The following WDR87 variants were observed in gnomAD, a reference collection of about 807,000 sequenced individuals.
WDR87 encodes the protein WD repeat domain 87, also known as WD repeat-containing protein 87.
WDR87 carries 56 observed loss-of-function variants against 83.3 expected under a neutral mutation model. The ratio of observed to expected loss-of-function variants is 0.67; its 90% CI spans 0.54 to 0.84. The LOEUF is 0.84. WDR87 is among the 40% of genes least tolerant of loss of function. WDR87 has a pLI of 0.00. For synonymous variants in WDR87, 1,173 were observed against 1,250.6 expected (o/e 0.94, Z 1.31); for missense variants, 2,939 against 3,431.9 (o/e 0.86, Z 3.59).
At position 37,892,585 on chromosome 19, in the gene WDR87, C is replaced by A. The variant is rs1346040357; in HGVS notation, c.3118G>T (p.Glu1040Ter). Residue 1040 changes from glutamate to a stop codon, truncating the protein, a stop_gained, in exon 4 of 6, where the codon GAG becomes TAG. Coordinates refer to ENST00000447313, the MANE Select transcript of WDR87 (RefSeq NM_001291088.2). LOFTEE classifies it high-confidence loss of function. The part of the protein sequence containing the change: ...QLTQKQETFR[E>*]MQQQMIGEEP... ...AAGGAAGCACAAACTTACTGCATCT[C>A]CCGAAAAGTCTCTTGTTTTTGGGTC... 6.7e-7 allele frequency: 1 copy of A among 1,489,006 alleles called. No homozygotes were observed. The highest frequency in any genetic ancestry group is 2.4e-5 in the Admixed American group (1 of 42,336). 92.2% of individuals were successfully genotyped at this position (1,489,006 alleles called of 1,614,324 possible). A position where few individuals can be genotyped will look rare whatever the true frequency, so the allele number is the denominator to read the frequency against.
Position 37,894,526 on chromosome 19 carries a change from A to T in WDR87, c.1177T>A (p.Ser393Thr), listed in dbSNP as rs1273260509. 3.9e-6 allele frequency: 6 copies of T among 1,551,670 alleles called. 1 individual carries two copies. The highest frequency in any genetic ancestry group is 2.4e-5 in the South Asian group (2 of 84,052). ...TTEDGLLRFV[S>T]PVTGDLLVIT... ...ACCAGAAGGTCCCCTGTTACTGGGG[A>T]CACAAAGCGCAACAAGCCATCCTCA... The change falls in exon 4 of 6, where the codon TCC becomes ACC. Residue 393 changes from serine (S) to threonine (T), a missense_variant. Ser to Thr is a moderately conservative substitution (Grantham distance 58). This residue lies in a region of WDR87 where 553 missense variants were observed against 577.9 expected (regional missense o/e 0.96). Coordinates refer to ENST00000447313, the MANE Select transcript of WDR87 (RefSeq NM_001291088.2).
Position 37,887,551 on chromosome 19 carries a change from A to C in WDR87, c.6120T>G (p.Val2040=), listed in dbSNP as rs1474272069. The part of the protein sequence containing the change: ...ETSRQRKMTQ[V]EQELFERKLS... ...ATTTTCTCTCAAATAGTTCTTGTTC[A>C]ACTTGAGTCATTTTCCTTTGTCTAG... Residue 2040 remains valine (V), a synonymous_variant, in exon 6 of 6, where the codon GTT becomes GTG. Transcript: ENST00000447313. 1.3e-6 allele frequency: 2 copies of C among 1,551,786 alleles called. No individual in the cohort carries two copies. The highest frequency in any genetic ancestry group is 1.7e-6 in the Non-Finnish European group (2 of 1,147,018).
At chr19:37,895,766 C>CA (rs36107860) in intron 3 of WDR87, among the ~76,000 whole-genome samples, 1,064 of 84,190 alleles carry the variant, frequency 0.013, 12 homozygotes, top group Non-Finnish European at 0.019. Flanking sequence ...GACTCTGTCT[C>CA]AAAAAAAAAA....
Position 37,894,178 on chromosome 19 carries a change from G to C in WDR87, c.1525C>G (p.Leu509Val), listed in dbSNP as rs568205239. ...KFMHFGAVLALSTLSGGIFGG... is the reference protein window; with the variant it reads ...KFMHFGAVLAVSTLSGGIFGG... The stretch of plus-strand genomic sequence containing the variant: ...AAAATCCCTCCAGACAGCGTGGAGA[G>C]TGCCAGTACAGCGCCAAAGTGCATG... The change falls in exon 4 of 6, where the codon CTC (leucine) becomes GTC (valine). Residue 509 changes from leucine (L) to valine (V), a missense_variant. Physicochemically the swap from Leu to Val is conservative, Grantham distance 32. Transcript: ENST00000447313. 6.4e-7 allele frequency: 1 copy of C among 1,552,348 alleles called. No individual in the cohort carries two copies. Among genetic ancestry groups the C allele is most frequent in the Admixed American group, 2.0e-5 (1 of 51,006 alleles).
intron 4 of WDR87, among the ~76,000 whole-genome samples, chr19:37,892,339 G>C (rs1026161738): frequency 6.6e-6 from 1 of 152,022 alleles, no homozygotes; most frequent in African/African-American, 2.4e-5. Context: ...AGCCAAGATC[G>C]CGCCACTACA....
chr19:37,898,019 G>T, intron 2 of WDR87, 146 bp downstream of exon 2: 1 of 812,686 alleles, frequency 1.2e-6, no homozygotes, highest in South Asian at 2.5e-5. Flanking sequence ...GAAATTGATG[G>T]CCTACCTCCT....
At chr19:37,904,877 C>A (rs916035635) in intron 1 of WDR87, among the ~76,000 whole-genome samples, 1 of 152,018 alleles carries the variant, frequency 6.6e-6, no homozygotes, top group East Asian at 1.9e-4. Flanking sequence ...CAGCTAATGC[C>A]GCAAATGAGT....
chr19:37,887,517 C>T lies in WDR87; in HGVS notation c.6154G>A (p.Glu2052Lys), dbSNP rs1013839658. Residue 2052 changes from glutamate (E) to lysine (K), a missense_variant, in exon 6 of 6, where the codon GAG becomes AAG. Glu to Lys is a moderately conservative substitution (Grantham distance 56). Around this residue, in one of 3 missense-constraint regions of WDR87, gnomAD observed 2,160 missense variants for 2,533.1 expected, o/e 0.85. Coordinates refer to ENST00000447313, the MANE Select transcript of WDR87 (RefSeq NM_001291088.2). ...QELFERKLSL[E>K]EKILLHEDRI... ...TCTTCATGTAGCAGTATCTTCTCCTCTAGTGACAATTTTCTCTCAAATAGT... is the reference window on the plus strand; with the variant it reads ...TCTTCATGTAGCAGTATCTTCTCCTTTAGTGACAATTTTCTCTCAAATAGT... The T allele has an allele frequency of 8.4e-6, 13 of 1,551,910 alleles. No homozygotes were observed. Among genetic ancestry groups the T allele is most frequent in the Non-Finnish European group, 1.1e-5 (13 of 1,147,044 alleles).
chr19:37,886,572 C>T lies in WDR87; in HGVS notation c.7099G>A (p.Glu2367Lys). The change falls in exon 6 of 6, where the codon GAG (glutamate) becomes AAG (lysine). Residue 2367 changes from glutamate to lysine, a missense_variant. By Grantham distance (56) the Glu-to-Lys change is moderately conservative. Coordinates refer to ENST00000447313, the MANE Select transcript of WDR87 (RefSeq NM_001291088.2). ...TCTTCTTCCAATGAGCAGCTCTCCTCTTCCTCTTCCTCGTCACTCAAACTT... is the reference window on the plus strand; with the variant it reads ...TCTTCTTCCAATGAGCAGCTCTCCTTTTCCTCTTCCTCGTCACTCAAACTT... ...TESLSDEEEE[E>K]ESCSLEEEVD... 6.6e-7 allele frequency: 1 copy of T among 1,516,832 alleles called. No individual in the cohort carries two copies. Among genetic ancestry groups the T allele is most frequent in the Non-Finnish European group, 8.8e-7 (1 of 1,135,538 alleles). The allele number at this position is 1,516,832 out of a possible 1,614,324, so 94.0% of individuals were successfully genotyped here.
At position 37,891,578 on chromosome 19, in the gene WDR87, C is replaced by T. The variant is rs770346888; in HGVS notation, c.3368G>A (p.Arg1123Gln). 3.0e-5 allele frequency: 46 copies of T among 1,552,060 alleles called. No individual in the cohort carries two copies. The highest frequency in any genetic ancestry group is 1.7e-4 in the South Asian group (14 of 84,064). Residue 1123 changes from arginine to glutamine, a missense_variant, in exon 5 of 6, where the codon CGA (arginine) becomes CAA (glutamine). Arg to Gln is a conservative substitution (Grantham distance 43, BLOSUM62 1). Coordinates refer to ENST00000447313, the MANE Select transcript of WDR87 (RefSeq NM_001291088.2). ...ATGCTTTTTGACCCCTGCTTGGCCT[C>T]GTCTTTGGCCTTTGCTGGGCTTGAT... The part of the protein sequence containing the change: ...VAIKPSKGQR[R>Q]GQAGVKKHSQ...
At position 37,887,198 on chromosome 19, in the gene WDR87, T is replaced by A. The variant is rs2046156696; in HGVS notation, c.6473A>T (p.Asp2158Val). 1.3e-6 allele frequency: 2 copies of A among 1,551,826 alleles called. No individual in the cohort carries two copies. Among genetic ancestry groups the A allele is most frequent in the East Asian group, 4.9e-5 (2 of 40,910 alleles). Reference protein sequence around the residue: ...RRLSIEQSKLDIKEWDFSEKR... With the variant: ...RRLSIEQSKLVIKEWDFSEKR... Reference sequence around the variant, plus strand: ...TTCAGAAAAATCCCACTCTTTGATATCCAGCTTACTCTGTTCTATACTCAA... The same window carrying A: ...TTCAGAAAAATCCCACTCTTTGATAACCAGCTTACTCTGTTCTATACTCAA... The change falls in exon 6 of 6, where the codon GAT (aspartate) becomes GTT (valine). Residue 2158 changes from aspartate (D) to valine (V), a missense_variant. Asp to Val is a radical substitution (Grantham distance 152). Transcript: ENST00000447313.
chr19:37,895,659 C>T (rs546302521), intron 3 of WDR87, among the ~76,000 whole-genome samples: 21 of 150,838 alleles, frequency 1.4e-4, no homozygotes, highest in African/African-American at 2.7e-4. Context: ...CCCAGCTACT[C>T]GAGAGGCTGA....
chr19:37,904,719 T>C (rs918362889), intron 1 of WDR87, among the ~76,000 whole-genome samples: 1 of 152,222 alleles, frequency 6.6e-6, no homozygotes, highest in East Asian at 1.9e-4. Flanking sequence ...TCTCTTAATA[T>C]ACCTTTAAGA....
chr19:37,905,127 G>A lies in WDR87; in HGVS notation c.-47+1372C>T, dbSNP rs1357419249. Among the ~76,000 whole-genome samples the A allele has an allele frequency of 1.3e-5, 2 of 151,868 alleles. 1 individual carries two copies. On this transcript the variant is annotated intron_variant, in intron 1 of 5. Transcript: ENST00000447313. The stretch of plus-strand genomic sequence containing the variant: ...CCTGCCTGTAATCCCAGCTACTTGG[G>A]AGGCTGAGGCAGGAGAGTCACTTGA...
In WDR87 at chr19:37,888,058, T is replaced by A. The variant is rs746879946; in HGVS notation, c.5613A>T (p.Ile1871=). The A allele has an allele frequency of 1.4e-5, 21 of 1,551,638 alleles. No homozygotes were observed. The South Asian group carries it at 2.5e-4, about 18-fold the overall frequency. Reference sequence around the variant, plus strand: ...GAGCCAGATTCTTCTTCTGGTACAGTATCATCTTGTTCTTTGTGAGTTCTT... The same window carrying A: ...GAGCCAGATTCTTCTTCTGGTACAGAATCATCTTGTTCTTTGTGAGTTCTT... ...SMEELTKNKM[I]LYQKKNLAQE... is the part of the protein sequence containing the mutation. The change falls in exon 6 of 6, where the codon ATA becomes ATT. Residue 1871 remains isoleucine, a synonymous_variant. Coordinates refer to ENST00000447313, the MANE Select transcript of WDR87 (RefSeq NM_001291088.2).
chr19:37,888,165 T>C lies in WDR87; in HGVS notation c.5506A>G (p.Arg1836Gly), dbSNP rs1054209118. The C allele has an allele frequency of 3.2e-6, 5 of 1,552,126 alleles. No homozygotes were observed. In the African/African-American group the frequency reaches 5.5e-5, roughly 17 times the overall value. The change falls in exon 6 of 6, where the codon AGA becomes GGA. Residue 1836 changes from arginine (R) to glycine (G), a missense_variant. This residue lies in a region of WDR87 where 2,160 missense variants were observed against 2,533.1 expected (regional missense o/e 0.85). Coordinates refer to ENST00000447313, the MANE Select transcript of WDR87 (RefSeq NM_001291088.2). ...AATTGCTCCCTTTTCCGTCCCAGTCTTTCCTCTTCCTCAGGCATTTTTTCC... is the reference window on the plus strand; with the variant it reads ...AATTGCTCCCTTTTCCGTCCCAGTCCTTCCTCTTCCTCAGGCATTTTTTCC... ...HKEKMPEEEE[R>G]LGRKREQLIE...
chr19:37,903,876 A>G (rs2046306843), intron 1 of WDR87, among the ~76,000 whole-genome samples: 1 of 151,922 alleles, frequency 6.6e-6, no homozygotes, highest in Non-Finnish European at 1.5e-5. Flanking sequence ...CTTAGCTATT[A>G]TCCTCCCTGT....
intron 1 of WDR87, among the ~76,000 whole-genome samples, chr19:37,901,379 C>T (rs559295843): frequency 1.8e-4 from 27 of 152,036 alleles, no homozygotes; most frequent in South Asian, 2.1e-4. Context: ...TGCAGTGAGC[C>T]GAGATTGCAG....
In WDR87 at chr19:37,895,230, T is replaced by A. The variant is rs1294945688; in HGVS notation, c.473A>T (p.Asp158Val). 6.4e-7 allele frequency: 1 copy of A among 1,551,478 alleles called. No homozygotes were observed. The highest frequency in any genetic ancestry group is 1.4e-5 in the African/African-American group (1 of 72,996). ...AGACAGAAGCATCTTCATTTCCGGG[T>A]CATAGCAGAGGCAGCTGATGTTGAA... Reference protein sequence around the residue: ...CRFNISCLCYDPEMKMLLSGI... With the variant: ...CRFNISCLCYVPEMKMLLSGI... Residue 158 changes from aspartate (D) to valine (V), a missense_variant, in exon 4 of 6, where the codon GAC (aspartate) becomes GTC (valine). By Grantham distance (152) the Asp-to-Val change is radical. This residue lies in a region of WDR87 where 226 missense variants were observed against 320.9 expected (regional missense o/e 0.70). Transcript: ENST00000447313.
Sources: gnomAD v4.1 joint callset for allele counts (sites outside exome capture counted in the v4.1 genomes callset) on GRCh38, gnomAD v4.1.1 for gene constraint, gnomAD v4.1.1 regional missense constraint, MANE v1.5 for transcripts, NCBI Gene and HGNC (gene_info 2026-07-23, HGNC 2026-07-21) for gene names.